NRG3: variants seen among roughly 807,000 people sequenced by gnomAD.
NRG3 encodes the protein neuregulin 3.
In NRG3, 31 loss-of-function variants were observed where a neutral mutation model predicts 66.9. The ratio of observed to expected loss-of-function variants is 0.46; its 90% CI spans 0.35 to 0.63. The LOEUF is 0.63. Among genes scored for constraint, NRG3 ranks in the 20% least tolerant of loss-of-function variants. The probability of loss-of-function intolerance (pLI) is 0.00; values close to 1 mark genes in which losing one functional copy is unlikely to be tolerated. For missense variants in NRG3, 910 were observed against 878.9 expected (o/e 1.04, Z -0.45); for synonymous variants, 393 against 359.4 (o/e 1.09, Z -1.06).
intron 1 of NRG3, among the ~76,000 whole-genome samples, chr10:82,182,053 A>G (rs1200346938): frequency 2.0e-5 from 3 of 151,602 alleles, no homozygotes; most frequent in Non-Finnish European, 1.5e-5. Flanking sequence ...TTTGTCTGGT[A>G]TAAGTATGGC....
chr10:82,609,332 A>C (rs1270324267), intron 2 of NRG3, among the ~76,000 whole-genome samples: 1 of 152,210 alleles, frequency 6.6e-6, no homozygotes, highest in Non-Finnish European at 1.5e-5. Flanking sequence ...TCTATGGACC[A>C]GGTTTTGATT....
intron 3 of NRG3, among the ~76,000 whole-genome samples, chr10:82,750,283 T>C (rs2134925733): frequency 6.6e-6 from 1 of 152,310 alleles, no homozygotes; most frequent in African/African-American, 2.4e-5. Flanking sequence ...ATTTCACCAA[T>C]GTGTGACTGA....
chr10:82,316,247 C>T (rs2081289205), intron 1 of NRG3, among the ~76,000 whole-genome samples: 1 of 152,158 alleles, frequency 6.6e-6, no homozygotes, highest in African/African-American at 2.4e-5. Context: ...ATTCAAAACA[C>T]TCCTATAACT....
At chr10:82,720,037 G>A (rs2057201195) in intron 2 of NRG3, among the ~76,000 whole-genome samples, 1 of 152,108 alleles carries the variant, frequency 6.6e-6, no homozygotes, top group Non-Finnish European at 1.5e-5. Flanking sequence ...TAAACTCGTG[G>A]TCTTACTTTA....
At chr10:82,096,462 G>A (rs182302036) in intron 1 of NRG3, among the ~76,000 whole-genome samples, 3 of 151,884 alleles carry the variant, frequency 2.0e-5, no homozygotes, top group East Asian at 1.9e-4. Flanking sequence ...GTGACAGAGC[G>A]AGAGTCTCAA....
At chr10:82,341,288 TA>T (rs1057412179) in intron 1 of NRG3, among the ~76,000 whole-genome samples, 8 of 152,246 alleles carry the variant, frequency 5.3e-5, no homozygotes, top group African/African-American at 1.9e-4. Context: ...ATGTGTAGCT[TA>T]AAAGAGTCCA....
intron 1 of NRG3, among the ~76,000 whole-genome samples, chr10:82,282,326 G>A (rs955063875): frequency 4.6e-5 from 7 of 150,704 alleles, no homozygotes; most frequent in Admixed American, 2.0e-4. Context: ...CTGACCTCTG[G>A]GCCACCAATT....
At chr10:82,662,907 C>T (rs2052475782) in intron 2 of NRG3, among the ~76,000 whole-genome samples, 1 of 152,136 alleles carries the variant, frequency 6.6e-6, no homozygotes, top group African/African-American at 2.4e-5. Flanking sequence ...GGTTACAAGA[C>T]AGCTACTAGA....
chr10:82,647,741 T>G (rs2051058378), intron 2 of NRG3, among the ~76,000 whole-genome samples: 1 of 152,158 alleles, frequency 6.6e-6, no homozygotes, highest in Admixed American at 6.5e-5. Flanking sequence ...TGATTTGCAT[T>G]TTTTGATGGC....
intron 3 of NRG3, among the ~76,000 whole-genome samples, chr10:82,760,770 A>T (rs1378975307): frequency 6.6e-6 from 1 of 152,058 alleles, no homozygotes; most frequent in African/African-American, 2.4e-5. Flanking sequence ...GACAACTATA[A>T]CTAATTAGAA....
intron 1 of NRG3, among the ~76,000 whole-genome samples, chr10:82,258,889 A>G (rs1197485520): frequency 2.0e-5 from 3 of 152,168 alleles, no homozygotes; most frequent in Non-Finnish European, 4.4e-5. Context: ...CCACTTTGAG[A>G]AAGATACGTA....
intron 2 of NRG3, among the ~76,000 whole-genome samples, chr10:82,393,119 C>G (rs1348727326): frequency 6.6e-6 from 1 of 152,130 alleles, no homozygotes; most frequent in Non-Finnish European, 1.5e-5. Context: ...CAGAACCCCT[C>G]TGGACCCTTT....
chr10:82,114,274 T>C (rs759205104), intron 1 of NRG3, among the ~76,000 whole-genome samples: 8 of 152,208 alleles, frequency 5.3e-5, no homozygotes, highest in Non-Finnish European at 1.2e-4. Context: ...ATAATGCTAC[T>C]GTAACATTAG....
Position 82,344,600 on chromosome 10 carries a change from A to G in NRG3, c.824-14139A>G, listed in dbSNP as rs1279404389. ...ACCCAGTAATGGGATGGCTAGGTCA[A>G]ATGGTATTTCCAGTTCTAGATCCCT... is the stretch of plus-strand genomic sequence containing the variant. On this transcript the variant is annotated intron_variant, in intron 1 of 8. Transcript: ENST00000372141. Among the ~76,000 whole-genome samples, 285 of 141,354 alleles carry G rather than the reference A, an allele frequency of 2.0e-3. 6 individuals are homozygous for G. The highest frequency in any genetic ancestry group is 8.0e-3 in the African/African-American group (258 of 32,428). 92.7% of individuals were successfully genotyped at this position (141,354 alleles called of 152,430 possible).
intron 2 of NRG3, among the ~76,000 whole-genome samples, chr10:82,723,849 A>C (rs2057440938): frequency 6.6e-6 from 1 of 151,978 alleles, no homozygotes; most frequent in Admixed American, 6.6e-5. Context: ...GCATGGTGGC[A>C]CACACCTGTA....
intron 1 of NRG3, among the ~76,000 whole-genome samples, chr10:82,060,403 T>C (rs2064079631): frequency 6.6e-6 from 1 of 152,222 alleles, no homozygotes; most frequent in African/African-American, 2.4e-5. Context: ...GGGTGCTGTC[T>C]TCTACCATGA....
intron 1 of NRG3, among the ~76,000 whole-genome samples, chr10:82,294,040 C>T (rs1354217194): frequency 3.9e-5 from 6 of 152,028 alleles, no homozygotes; most frequent in African/African-American, 9.7e-5. Flanking sequence ...CAGCAAATGC[C>T]CCGCTTGTCC....
intron 2 of NRG3, among the ~76,000 whole-genome samples, chr10:82,728,329 G>C (rs1285520413): frequency 2.0e-5 from 3 of 152,140 alleles, no homozygotes; most frequent in African/African-American, 7.2e-5. Context: ...ATTCCCACAT[G>C]TCATGGGAGG....
At chr10:82,333,198 G>A (rs1025581557) in intron 1 of NRG3, among the ~76,000 whole-genome samples, 2 of 152,192 alleles carry the variant, frequency 1.3e-5, no homozygotes, top group Non-Finnish European at 2.9e-5. Context: ...AAGAAAAGAT[G>A]AGCAAGTTAT....
Sources: allele counts gnomAD v4.1 joint callset (sites outside exome capture counted in the v4.1 genomes callset), GRCh38; gene constraint gnomAD v4.1.1; transcripts MANE v1.5; gene names NCBI Gene and HGNC (gene_info 2026-07-23, HGNC 2026-07-21).